The following AXIN1 variants were observed in gnomAD, a reference collection of about 807,000 sequenced individuals.
AXIN1 encodes the protein axin-1.
In AXIN1, 30 loss-of-function variants were observed where a neutral mutation model predicts 76.4. The ratio of observed to expected loss-of-function variants is 0.39; its 90% confidence interval spans 0.29 to 0.53. The LOEUF (loss-of-function observed/expected upper bound fraction) is 0.53, where lower values mean the gene tolerates loss of function less well. AXIN1 is among the 20% of genes least tolerant of loss of function. AXIN1 has a pLI of 0.66. For missense variants in AXIN1, 1,140 were observed against 1,198.8 expected (o/e 0.95, Z 0.72); for synonymous variants, 545 against 501.4 (o/e 1.09, Z -1.16).
intron 3 of AXIN1, 79 bp from the exon 4 acceptor site, chr16:310,148 C>G: frequency 7.4e-7 from 1 of 1,344,064 alleles, no homozygotes; most frequent in Non-Finnish European, 1.0e-6. Flanking sequence ...CTCCTGGCCC[C>G]GACCGCCGGT....
rs2141702236 is a variant in AXIN1 at position 346,357 on chromosome 16, G to C, written c.669C>G (p.Asp223Glu). The stretch of plus-strand genomic sequence containing the variant: ...TCCCTGTCCCTGACCCAGAGCTCTG[G>C]TCACTACAGACTTTGGGGCTCTCCG... ...TGSESPKVCS[D>E]QSSGSGTGKG... Residue 223 changes from aspartate to glutamate, a missense_variant, in exon 2 of 11, where the codon GAC becomes GAG. By Grantham distance (45) the Asp-to-Glu change is conservative. This residue lies in a region of AXIN1 where 708 missense variants were observed against 776.9 expected (regional missense o/e 0.91). Coordinates refer to ENST00000262320, the MANE Select transcript of AXIN1 (RefSeq NM_003502.4). 6.2e-7 allele frequency: 1 copy of C among 1,614,168 alleles called. No individual in the cohort carries two copies. The highest frequency in any genetic ancestry group is 8.5e-7 in the Non-Finnish European group (1 of 1,180,032).
chr16:343,703 A>G (rs982817881), intron 2 of AXIN1, among the ~76,000 whole-genome samples: 1 of 149,256 alleles, frequency 6.7e-6, no homozygotes, highest in African/African-American at 2.5e-5. Context: ...ACTCCATCTC[A>G]AACAAAAAAA....
rs774332636 is a variant in AXIN1, at chr16:289,422, C to G, written c.2462+18G>C. 2.5e-6 allele frequency: 4 copies of G among 1,612,510 alleles called. No homozygotes were observed. The Admixed American group carries it at 6.7e-5, about 27-fold the overall frequency. The stretch of plus-strand genomic sequence containing the variant: ...ACATACTCGTGCGGGGAGGGGGCAC[C>G]CCAGCCCTCACACTCACCTGTAGCT... On this transcript the variant is annotated intron_variant, in intron 10 of 10. Coordinates refer to ENST00000262320, the MANE Select transcript of AXIN1 (RefSeq NM_003502.4).
At chr16:316,448 G>A (rs2053303781) in intron 2 of AXIN1, among the ~76,000 whole-genome samples, 2 of 152,200 alleles carry the variant, frequency 1.3e-5, no homozygotes, top group South Asian at 4.2e-4. Flanking sequence ...CCAACCAACT[G>A]GCATGTGGAC....
At chr16:319,090 A>G (rs984321483) in intron 2 of AXIN1, among the ~76,000 whole-genome samples, 1 of 152,156 alleles carries the variant, frequency 6.6e-6, no homozygotes, top group Admixed American at 6.5e-5. Context: ...AGGTGCCAGG[A>G]CTCAGGCAGA....
At chr16:345,407 G>C (rs1449492200) in intron 2 of AXIN1, among the ~76,000 whole-genome samples, 3 of 152,214 alleles carry the variant, frequency 2.0e-5, no homozygotes, top group Non-Finnish European at 4.4e-5. Flanking sequence ...AAGAAGCTTA[G>C]AAGATCATTA....
At chr16:307,249 C>A (rs886183124) in intron 4 of AXIN1, among the ~76,000 whole-genome samples, 1 of 152,186 alleles carries the variant, frequency 6.6e-6, no homozygotes, top group Non-Finnish European at 1.5e-5. Flanking sequence ...CATGCCGCCA[C>A]GCGAGCTCCA....
intron 2 of AXIN1, among the ~76,000 whole-genome samples, chr16:320,743 A>ATTTTTTTTTT (rs71299927): frequency 0.012 from 1,284 of 107,444 alleles, 68 homozygotes; most frequent in African/African-American, 0.045. Context: ...ATATATATAT[A>ATTTTTTTTTT]TTTTTTTTTT....
At chr16:349,838 G>A (rs535165203) in intron 1 of AXIN1, among the ~76,000 whole-genome samples, 1 of 152,104 alleles carries the variant, frequency 6.6e-6, no homozygotes, top group Non-Finnish European at 1.5e-5. Flanking sequence ...TCGCTCTGTC[G>A]CCTAGGCTGG....
Position 346,743 on chromosome 16 carries a change from C to A in AXIN1, c.283G>T (p.Asp95Tyr), listed in dbSNP as rs2141706440. The A allele has an allele frequency of 6.3e-7, 1 of 1,598,954 alleles. No individual in the cohort carries two copies. The highest frequency in any genetic ancestry group is 1.1e-5 in the South Asian group (1 of 89,314). ...WAESLHSLLD[D>Y]QDGISLFRTF... is the part of the protein sequence containing the mutation. ...CTGAACAGGCTTATCCCATCTTGGT[C>A]ATCCAGCAGGGAATGCAGTGACTCA... is the stretch of plus-strand genomic sequence containing the variant. Residue 95 changes from aspartate to tyrosine, a missense_variant, in exon 2 of 11, where the codon GAC becomes TAC. By Grantham distance (160) the Asp-to-Tyr change is radical. Transcript: ENST00000262320.
intron 7 of AXIN1, 125 bp downstream of exon 7, chr16:296,930 AG>A (rs2052725909): frequency 6.7e-6 from 8 of 1,197,736 alleles, no homozygotes; most frequent in East Asian, 2.3e-5. Context: ...CCACAGTGAC[AG>A]GGGAAGTGTG....
chr16:292,752 G>T (rs1339040894), intron 8 of AXIN1: 1 of 152,478 alleles, frequency 6.6e-6, no homozygotes, highest in East Asian at 1.9e-4. Flanking sequence ...AAATGGAGAA[G>T]CCAGGTTCTG....
rs57786604 is a variant in AXIN1 at position 295,558 on chromosome 16, T to TA, written c.1955+1497dup. 1.5e-3 allele frequency among the ~76,000 whole-genome samples: 222 copies of TA among 149,608 alleles called. 1 individual carries two copies. The highest frequency in any genetic ancestry group is 4.9e-3 in the African/African-American group (201 of 40,708). ...AGAGGGAGACTCTGTCGCAAAAAATTAAAAAAAAAGTCTTAATGAATAAAA... is the reference window on the plus strand; with the variant it reads ...AGAGGGAGACTCTGTCGCAAAAAATTAAAAAAAAAAGTCTTAATGAATAAAA... On this transcript the variant is annotated intron_variant, in intron 7 of 10. Transcript: ENST00000262320.
At chr16:292,809 G>A (rs2052603843) in intron 8 of AXIN1, 1 of 152,426 alleles carries the variant, frequency 6.6e-6, no homozygotes, top group African/African-American at 2.4e-5. Flanking sequence ...CCTCCCTGCA[G>A]CCCAGACAGA....
chr16:349,242 G>A (rs929917332), intron 1 of AXIN1, among the ~76,000 whole-genome samples: 43 of 152,210 alleles, frequency 2.8e-4, no homozygotes, highest in Admixed American at 7.9e-4. Flanking sequence ...TGGGTAGTAT[G>A]TCATCTTGGC....
chr16:321,774 C>G (rs1427779165), intron 2 of AXIN1, among the ~76,000 whole-genome samples: 2 of 152,014 alleles, frequency 1.3e-5, no homozygotes, highest in African/African-American at 4.8e-5. Context: ...TTCCAACCCA[C>G]GAAGGGTTAA....
intron 2 of AXIN1, among the ~76,000 whole-genome samples, chr16:341,671 G>C (rs983372625): frequency 6.9e-4 from 105 of 152,368 alleles, no homozygotes; most frequent in African/African-American, 2.3e-3. Context: ...CTGCAACCCC[G>C]GTGCGGGATC....
In AXIN1 at chr16:306,040, G is replaced by A. The variant is rs1041498233; in HGVS notation, c.1117-1599C>T. 3.6e-4 allele frequency among the ~76,000 whole-genome samples: 54 copies of A among 151,978 alleles called. 1 individual carries two copies. Among genetic ancestry groups the A allele is most frequent in the Admixed American group, 1.6e-3 (24 of 15,244 alleles). The stretch of plus-strand genomic sequence containing the variant: ...TGCAAAAATAGAACAAGGAATTCCC[G>A]TCCACCTTCACCCAGATTCCCCAAG... On this transcript the variant is annotated intron_variant, in intron 4 of 10. Transcript: ENST00000262320.
chr16:347,009 T>A lies in AXIN1; in HGVS notation c.17A>T (p.Gln6Leu), dbSNP rs2054047974. Residue 6 changes from glutamine (Q) to leucine (L), a missense_variant, in exon 2 of 11, where the codon CAG becomes CTG. This residue lies in a region of AXIN1 where 708 missense variants were observed against 776.9 expected (regional missense o/e 0.91). Transcript: ENST00000262320. ...TGCTCCGAGGTCCAAGGGGAAACCC[T>A]GCTCTTGGATATTCATTTTGGGACT... MNIQE[Q>L]GFPLDLGASF... 1 of 1,614,192 alleles carries A rather than the reference T, an allele frequency of 6.2e-7. No individual in the cohort carries two copies. Among genetic ancestry groups the A allele is most frequent in the African/African-American group, 1.3e-5 (1 of 75,066 alleles).
Sources: gnomAD v4.1 joint callset for allele counts (sites outside exome capture counted in the v4.1 genomes callset) on GRCh38, gnomAD v4.1.1 for gene constraint, gnomAD v4.1.1 regional missense constraint, MANE v1.5 for transcripts, NCBI Gene and HGNC (gene_info 2026-07-23, HGNC 2026-07-21) for gene names.